Variants in DMD observed in about 807,000 individuals in gnomAD.
The protein encoded by DMD is dystrophin, also known as mutant dystrophin.
In DMD, 63 loss-of-function variants were observed where a neutral mutation model predicts 330.1. The ratio of observed to expected loss-of-function variants is 0.19; its 90% CI spans 0.16 to 0.24. The LOEUF (loss-of-function observed/expected upper bound fraction) is 0.24, where lower values mean the gene tolerates loss of function less well. DMD is among the 10% of genes least tolerant of loss of function. The pLI is 1.00. For synonymous variants in DMD, 1,223 were observed against 959.8 expected (o/e 1.27, Z -5.07); for missense variants, 3,344 against 2,684.1 (o/e 1.25, Z -5.43).
Position 31,444,589 on chromosome X carries a change from C to T in DMD, c.8976G>A (p.Val2992=), listed in dbSNP as rs916865376. 1.7e-5 allele frequency: 20 copies of T among 1,211,534 alleles called. No individual in the cohort carries two copies. The highest frequency in any genetic ancestry group is 1.1e-4 in the Admixed American group (5 of 45,958). Residue 2992 remains valine, a synonymous_variant, in exon 60 of 79, where the codon GTG becomes GTA. Coordinates refer to ENST00000357033, the MANE Select transcript of DMD (RefSeq NM_004006.3). ...GGCGAGCAAGGTCATTGACGTGGCTCACGTTCTCTTTCAGAGGCGCAATTT... is the reference window on the plus strand; with the variant it reads ...GGCGAGCAAGGTCATTGACGTGGCTTACGTTCTCTTTCAGAGGCGCAATTT... ...RGEIAPLKEN[V]SHVNDLARQL...
chrX:31,765,126 C>T (rs1438885197), intron 51 of DMD, among the ~76,000 whole-genome samples: 2 of 107,739 alleles, frequency 1.9e-5, no homozygotes, highest in Non-Finnish European at 3.8e-5. Flanking sequence ...AATTTAAAAA[C>T]ATTAAAACAT....
chrX:32,364,587 G>A lies in DMD; in HGVS notation c.5149C>T (p.Leu1717Phe), dbSNP rs769383291. Residue 1717 changes from leucine to phenylalanine, a missense_variant, in exon 36 of 79, where the codon CTT becomes TTT. By Grantham distance (22) the Leu-to-Phe change is conservative. Coordinates refer to ENST00000357033, the MANE Select transcript of DMD (RefSeq NM_004006.3). ...KKKPQQKEDV[L>F]KRLKAELNDI... ...TTTCATATTTTATTTGCTACCTTAA[G>A]CACGTCTTCTTTTTGCTGGGGTTTC... 12 of 1,209,044 alleles carry A rather than the reference G, an allele frequency of 9.9e-6. No homozygotes were observed. The highest frequency in any genetic ancestry group is 1.0e-5 in the Non-Finnish European group (9 of 894,549).
At chrX:33,004,255 C>T (rs2093348649) in intron 2 of DMD, among the ~76,000 whole-genome samples, 1 of 111,832 alleles carries the variant, frequency 8.9e-6, no homozygotes, top group South Asian at 3.6e-4. Flanking sequence ...ATGAACAACT[C>T]AAGATGTTAG....
intron 4 of DMD, among the ~76,000 whole-genome samples, chrX:32,838,272 A>T: frequency 9.0e-6 from 1 of 110,771 alleles, no homozygotes; most frequent in Middle Eastern, 4.6e-3. Flanking sequence ...ATTTTTTATT[A>T]TTCTTTAAGT....
At chrX:31,407,402 G>A (rs1602541718) in intron 60 of DMD, among the ~76,000 whole-genome samples, 1 of 109,813 alleles carries the variant, frequency 9.1e-6, no homozygotes, top group East Asian at 2.8e-4. Context: ...CTGACCTCAG[G>A]TGATCCACCC....
intron 43 of DMD, among the ~76,000 whole-genome samples, chrX:32,237,770 T>C (rs370280389): frequency 8.9e-6 from 1 of 111,829 alleles, no homozygotes; most frequent in Non-Finnish European, 1.9e-5. Flanking sequence ...ATTGTTACGG[T>C]AGAATGATAG....
At chrX:32,080,386 T>C (rs2096383053) in intron 44 of DMD, among the ~76,000 whole-genome samples, 1 of 112,310 alleles carries the variant, frequency 8.9e-6, no homozygotes, top group East Asian at 2.8e-4. Context: ...ATATGGCTTA[T>C]AATATCTTAG....
At chrX:32,189,380 A>T (rs2147561908) in intron 44 of DMD, among the ~76,000 whole-genome samples, 1 of 110,162 alleles carries the variant, frequency 9.1e-6, no homozygotes, top group African/African-American at 3.3e-5. Flanking sequence ...CAAAAAAAAA[A>T]AAAACAACTT....
At chrX:31,214,930 C>CTTTTT (rs1302015325) in intron 64 of DMD, among the ~76,000 whole-genome samples, 11 of 46,129 alleles carry the variant, frequency 2.4e-4, no homozygotes, top group East Asian at 8.1e-4. Context: ...TTTTTTATTT[C>CTTTTT]TTTTTTCTTT....
intron 63 of DMD, among the ~76,000 whole-genome samples, chrX:31,255,769 CTTTTTTTTTTTTT>C (rs146884145): frequency 2.0e-5 from 1 of 50,832 alleles, no homozygotes; most frequent in Non-Finnish European, 3.3e-5. Context: ...AATATCGTTA[CTTTTTTTTTTTTT>C]TTTTTTTTTT....
At chrX:31,273,531 C>T (rs992242181) in intron 62 of DMD, among the ~76,000 whole-genome samples, 6 of 112,118 alleles carry the variant, frequency 5.4e-5, no homozygotes, top group Non-Finnish European at 1.1e-4. Context: ...ATTGTTAATA[C>T]TCTAGACTTG....
At chrX:32,588,805 T>C (rs1352606360) in intron 13 of DMD, among the ~76,000 whole-genome samples, 1 of 111,816 alleles carries the variant, frequency 8.9e-6, no homozygotes, top group Non-Finnish European at 1.9e-5. Flanking sequence ...TGCAAAGGGC[T>C]CATAAGGGAA....
chrX:32,702,921 G>A (rs2064266723), intron 7 of DMD, among the ~76,000 whole-genome samples: 1 of 111,328 alleles, frequency 9.0e-6, no homozygotes, highest in African/African-American at 3.3e-5. Flanking sequence ...GGACGAAAGA[G>A]GACACTGATT....
chrX:32,590,078 C>T (rs1272034298), intron 13 of DMD, among the ~76,000 whole-genome samples: 1 of 112,098 alleles, frequency 8.9e-6, no homozygotes, highest in Admixed American at 9.5e-5. Context: ...TTTAATAAGT[C>T]TAACAAAATA....
intron 2 of DMD, among the ~76,000 whole-genome samples, chrX:32,938,767 A>G (rs766134456): frequency 9.0e-6 from 1 of 111,626 alleles, no homozygotes; most frequent in South Asian, 3.7e-4. Context: ...TGTAGAATAT[A>G]GATTCTCACC....
chrX:31,891,369 A>C (rs2094247787), intron 47 of DMD, among the ~76,000 whole-genome samples: 2 of 111,886 alleles, frequency 1.8e-5, no homozygotes, highest in South Asian at 7.4e-4. Flanking sequence ...TAAAAAAATC[A>C]GGGCAAAAGT....
chrX:33,246,948 T>C (rs2052673356), intron 1 of DMD, among the ~76,000 whole-genome samples: 2 of 111,382 alleles, frequency 1.8e-5, no homozygotes, highest in Non-Finnish European at 3.8e-5. Context: ...CTTCCCAAAG[T>C]GCTGGCATTA....
chrX:33,195,053 G>C (rs1325094838), intron 1 of DMD, among the ~76,000 whole-genome samples: 1 of 111,226 alleles, frequency 9.0e-6, no homozygotes, highest in Non-Finnish European at 1.9e-5. Flanking sequence ...ATACTTGTAT[G>C]GGGCTCCATG....
intron 9 of DMD, among the ~76,000 whole-genome samples, chrX:32,676,590 T>C (rs764310701): frequency 2.2e-4 from 24 of 111,301 alleles, no homozygotes; most frequent in African/African-American, 7.8e-4. Context: ...TTAGCGGGAT[T>C]GTGGACGCTA....
Sources: gnomAD v4.1 joint callset for allele counts (sites outside exome capture counted in the v4.1 genomes callset) on GRCh38, gnomAD v4.1.1 for gene constraint, MANE v1.5 for transcripts, NCBI Gene and HGNC (gene_info 2026-07-23, HGNC 2026-07-21) for gene names.